Variants in MPHOSPH6 observed in about 807,000 individuals in gnomAD.
MPHOSPH6 encodes M-phase phosphoprotein 6.
A neutral mutation model predicts 21.8 loss-of-function variants in MPHOSPH6; 25 were observed. The observed-to-expected ratio is 1.15, with a 90% CI of 0.83 to 1.60. MPHOSPH6 has a LOEUF of 1.60. Ranked by LOEUF, MPHOSPH6 falls within the 40% of genes most tolerant of loss-of-function variation. The pLI is 0.00. For synonymous variants in MPHOSPH6, 84 were observed against 56.5 expected (o/e 1.49, Z -2.18); for missense variants, 269 against 181.8 (o/e 1.48, Z -2.76).
At chr16:82,165,121 A>ATTTTTTTTTTTTTTT (rs945085704) in intron 1 of MPHOSPH6, among the ~76,000 whole-genome samples, 1 of 48,626 alleles carries the variant, frequency 2.1e-5, no homozygotes. Flanking sequence ...TTTCTTTTTT[A>ATTTTTTTTTTTTTTT]TTTTTTTTTT....
intron 1 of MPHOSPH6, among the ~76,000 whole-genome samples, chr16:82,165,470 A>C (rs751588064): frequency 3.9e-5 from 6 of 151,956 alleles, no homozygotes; most frequent in Non-Finnish European, 8.8e-5. Context: ...TCCAAACATA[A>C]GCCTTTTTAG....
intron 3 of MPHOSPH6, chr16:82,151,097 T>C (rs1906250217): frequency 1.7e-5 from 3 of 177,558 alleles, no homozygotes; most frequent in South Asian, 3.0e-4. Context: ...AATACATGTA[T>C]AGGTGCCAGA....
intron 2 of MPHOSPH6, among the ~76,000 whole-genome samples, chr16:82,156,785 G>A (rs1242686897): frequency 6.6e-6 from 1 of 152,170 alleles, no homozygotes; most frequent in African/African-American, 2.4e-5. Context: ...TAAAAAAACA[G>A]GCTGGGTGTG....
intron 2 of MPHOSPH6, among the ~76,000 whole-genome samples, chr16:82,159,738 T>C (rs1369589869): frequency 1.3e-5 from 2 of 152,110 alleles, no homozygotes; most frequent in Non-Finnish European, 2.9e-5. Context: ...TAAATGCAAA[T>C]AGCTTCTGAG....
At position 82,149,364 on chromosome 16, in the gene MPHOSPH6, C is replaced by T. The variant is rs768439916; in HGVS notation, c.295G>A (p.Glu99Lys). ...AGCTCTACTGTTTCATCTTCAACTT[C>T]TTCTGCTTTGTGCTTAGCATTCATC... is the stretch of plus-strand genomic sequence containing the variant. ...LQMNAKHKAEEVEDETVELDV... is the reference protein window; with the variant it reads ...LQMNAKHKAEKVEDETVELDV... Residue 99 changes from glutamate (E) to lysine (K), a missense_variant, in exon 4 of 5, where the codon GAA becomes AAA. Transcript: ENST00000258169. 43 of 1,613,030 alleles carry T rather than the reference C, an allele frequency of 2.7e-5. 1 individual carries two copies. In the South Asian group the frequency reaches 4.5e-4, roughly 17 times the overall value.
At position 82,149,346 on chromosome 16, in the gene MPHOSPH6, C is replaced by T. The variant is rs372358093; in HGVS notation, c.313G>A (p.Val105Ile). The change falls in exon 4 of 5, where the codon GTA (valine) becomes ATA (isoleucine). Residue 105 changes from valine to isoleucine, a missense_variant. Physicochemically the swap from Val to Ile is conservative, Grantham distance 29. Transcript: ENST00000258169. Reference protein sequence around the residue: ...HKAEEVEDETVELDVSDEEMA... With the variant: ...HKAEEVEDETIELDVSDEEMA... ...TCTTCATCTGACACATCAAGCTCTA[C>T]TGTTTCATCTTCAACTTCTTCTGCT... 1.2e-6 allele frequency: 2 copies of T among 1,613,334 alleles called. No individual in the cohort carries two copies. The highest frequency in any genetic ancestry group is 1.7e-5 in the Admixed American group (1 of 60,036).
rs575532707 is a variant in MPHOSPH6, at chr16:82,161,042, C to CAT, written c.164+3038_164+3039dup. ...TTCTCCTGGCTTATTACTCTTCGTT[C>CAT]ATACCCCTTGCTCCCATCATATTTC... On this transcript the variant is annotated intron_variant, in intron 2 of 4. Transcript: ENST00000258169. Among the ~76,000 whole-genome samples the CAT allele has an allele frequency of 1.8e-4, 27 of 152,332 alleles. No individual in the cohort carries two copies. In the East Asian group the frequency reaches 4.8e-3, roughly 27 times the overall value.
At chr16:82,153,227 A>G (rs1261619408) in intron 2 of MPHOSPH6, among the ~76,000 whole-genome samples, 2 of 152,248 alleles carry the variant, frequency 1.3e-5, no homozygotes, top group Admixed American at 6.5e-5. Flanking sequence ...TTTATATCAC[A>G]CAATGGATGA....
At chr16:82,151,653 G>A in intron 2 of MPHOSPH6, 139 bp from the exon 3 acceptor site, 1 of 1,249,912 alleles carries the variant, frequency 8.0e-7, no homozygotes, top group Non-Finnish European at 1.0e-6. Flanking sequence ...CTAACTTAGG[G>A]TTAAAAATAA....
At chr16:82,149,490 G>A (rs986685705) in intron 3 of MPHOSPH6, 87 bp from the exon 4 acceptor site, 2 of 1,114,626 alleles carry the variant, frequency 1.8e-6, no homozygotes, top group African/African-American at 1.5e-5. Context: ...CAGAGAAACT[G>A]AAGTCAAATA....
At chr16:82,151,309 A>G in intron 3 of MPHOSPH6, 115 bp downstream of exon 3, 1 of 1,413,804 alleles carries the variant, frequency 7.1e-7, no homozygotes, top group Non-Finnish European at 9.6e-7. Flanking sequence ...AAGACTTGTT[A>G]TTTTCTATAT....
intron 1 of MPHOSPH6, chr16:82,164,885 T>C (rs1906716055): frequency 1.3e-5 from 2 of 152,200 alleles, no homozygotes; most frequent in African/African-American, 4.8e-5. Flanking sequence ...ACTCAAAATA[T>C]GGCAGTAAAT....
chr16:82,164,271 T>C (rs1906694669), intron 1 of MPHOSPH6, 77 bp from the exon 2 acceptor site: 2 of 904,508 alleles, frequency 2.2e-6, no homozygotes, highest in African/African-American at 3.3e-5. Context: ...ATTTTCTTCT[T>C]CTACTTGTTC....
chr16:82,150,034 ATCTCT>A (rs1906214525), intron 3 of MPHOSPH6, among the ~76,000 whole-genome samples: 1 of 150,016 alleles, frequency 6.7e-6, no homozygotes, highest in Admixed American at 6.8e-5. Context: ...TAAATGTGTA[ATCTCT>A]TCTTTTTAGC....
intron 2 of MPHOSPH6, among the ~76,000 whole-genome samples, chr16:82,157,059 T>A (rs1442167149): frequency 9.2e-5 from 14 of 151,514 alleles, no homozygotes; most frequent in Non-Finnish European, 1.5e-4. Context: ...TCAAAAAAAA[T>A]AAATAAATAA....
At chr16:82,160,697 C>T (rs183462846) in intron 2 of MPHOSPH6, among the ~76,000 whole-genome samples, 1 of 152,312 alleles carries the variant, frequency 6.6e-6, no homozygotes, top group East Asian at 1.9e-4. Context: ...GGCCACTTCA[C>T]GCCATCCCTC....
At chr16:82,157,470 C>T (rs1054331099) in intron 2 of MPHOSPH6, among the ~76,000 whole-genome samples, 8 of 152,192 alleles carry the variant, frequency 5.3e-5, no homozygotes, top group African/African-American at 1.9e-4. Flanking sequence ...ACAGTGCTTG[C>T]ATCAGAGCAG....
At chr16:82,168,321 A>C (rs1032614356) in intron 1 of MPHOSPH6, among the ~76,000 whole-genome samples, 5 of 152,288 alleles carry the variant, frequency 3.3e-5, no homozygotes, top group African/African-American at 9.6e-5. Flanking sequence ...CTGTTCAGTA[A>C]AGATTCAAAT....
At chr16:82,168,472 C>CT (rs552110598) in intron 1 of MPHOSPH6, among the ~76,000 whole-genome samples, 68 of 48,024 alleles carry the variant, frequency 1.4e-3, no homozygotes, top group Middle Eastern at 0.011. Flanking sequence ...TACTCTCTCT[C>CT]TTTTTTTTTT....
Sources: allele counts gnomAD v4.1 joint callset (sites outside exome capture counted in the v4.1 genomes callset), GRCh38; gene constraint gnomAD v4.1.1; transcripts MANE v1.5; gene names NCBI Gene and HGNC (gene_info 2026-07-23, HGNC 2026-07-21).